The following CADM2 variants were observed in gnomAD, a reference collection of about 807,000 sequenced individuals.
The protein encoded by CADM2 is immunoglobulin superfamily member 4D.
In CADM2, 12 loss-of-function variants were observed where a neutral mutation model predicts 49.8. The observed-to-expected ratio is 0.24, with a 90% CI of 0.15 to 0.39. The LOEUF is 0.39. Ranked by LOEUF, CADM2 falls within the 10% of genes least tolerant of loss-of-function variation. CADM2 has a pLI of 1.00. For synonymous variants in CADM2, 214 were observed against 175.4 expected (o/e 1.22, Z -1.74); for missense variants, 378 against 492.3 (o/e 0.77, Z 2.20).
chr3:85,405,134 A>T (rs2035308636), intron 1 of CADM2, among the ~76,000 whole-genome samples: 1 of 152,070 alleles, frequency 6.6e-6, no homozygotes. Flanking sequence ...AAAGTTAGCT[A>T]TTTGGGGTAA....
At chr3:85,803,772 G>T (rs1186736768) in intron 3 of CADM2, among the ~76,000 whole-genome samples, 2 of 151,996 alleles carry the variant, frequency 1.3e-5, no homozygotes, top group East Asian at 3.9e-4. Context: ...AGAATAATCT[G>T]CTTTACTCAA....
intron 1 of CADM2, among the ~76,000 whole-genome samples, chr3:85,348,705 C>T (rs1183396896): frequency 6.6e-6 from 1 of 152,084 alleles, no homozygotes; most frequent in Non-Finnish European, 1.5e-5. Context: ...CTAACAAACT[C>T]ACTTATAATT....
At chr3:85,559,655 A>AACACACACAC (rs144677158) in intron 1 of CADM2, among the ~76,000 whole-genome samples, 2 of 111,006 alleles carry the variant, frequency 1.8e-5, no homozygotes, top group African/African-American at 2.9e-5. Flanking sequence ...ATTTAAAAGA[A>AACACACACAC]ACACACACAC....
intron 2 of CADM2, among the ~76,000 whole-genome samples, chr3:85,790,034 C>A (rs1046531903): frequency 1.3e-5 from 2 of 152,150 alleles, no homozygotes; most frequent in South Asian, 2.1e-4. Flanking sequence ...TTTCTAAGTG[C>A]TCTCTGAAGT....
intron 1 of CADM2, among the ~76,000 whole-genome samples, chr3:84,989,009 A>G (rs1004859601): frequency 6.6e-6 from 1 of 152,208 alleles, no homozygotes; most frequent in Admixed American, 6.5e-5. Context: ...GGCAAAGTAA[A>G]GACAGAACAG....
At chr3:85,587,268 A>G (rs936505896) in intron 1 of CADM2, among the ~76,000 whole-genome samples, 4 of 152,134 alleles carry the variant, frequency 2.6e-5, no homozygotes, top group African/African-American at 4.8e-5. Context: ...TATAAAAAAT[A>G]CAGTGACCCA....
Position 84,986,584 on chromosome 3 carries a change from C to T in CADM2, c.61+26916C>T, listed in dbSNP as rs112267726. On this transcript the variant is annotated intron_variant, in intron 1 of 9. Transcript: ENST00000383699. Reference sequence around the variant, plus strand: ...CACATGGACACAGGAAGGGGAACATCACACTCTGGGGACTGTTGTGGGGTG... The same window carrying T: ...CACATGGACACAGGAAGGGGAACATTACACTCTGGGGACTGTTGTGGGGTG... Among the ~76,000 whole-genome samples, 712 of 151,614 alleles carry T rather than the reference C, an allele frequency of 4.7e-3. 5 individuals carry two copies. The highest frequency in any genetic ancestry group is 0.017 in the African/African-American group (684 of 41,342).
intron 1 of CADM2, among the ~76,000 whole-genome samples, chr3:85,497,732 C>T (rs1010666709): frequency 3.6e-4 from 55 of 151,864 alleles, no homozygotes; most frequent in African/African-American, 1.3e-3. Context: ...TAAAGCGTAA[C>T]CAGGAGGAAG....
chr3:85,319,683 A>G (rs997343141), intron 1 of CADM2, among the ~76,000 whole-genome samples: 2 of 152,202 alleles, frequency 1.3e-5, no homozygotes, highest in Non-Finnish European at 2.9e-5. Flanking sequence ...TAGCAAACGT[A>G]TGCAGGAACA....
intron 7 of CADM2, among the ~76,000 whole-genome samples, chr3:85,945,924 G>A (rs968589966): frequency 2.6e-5 from 4 of 152,034 alleles, no homozygotes; most frequent in South Asian, 2.1e-4. Context: ...GGAAGTTCTG[G>A]CCAGGGCAAT....
At chr3:85,825,419 G>A (rs1410265427) in intron 3 of CADM2, among the ~76,000 whole-genome samples, 3 of 152,040 alleles carry the variant, frequency 2.0e-5, no homozygotes, top group South Asian at 2.1e-4. Flanking sequence ...GCCACTACCA[G>A]AGCCCAAATA....
At chr3:86,016,922 T>A (rs2106967482) in intron 8 of CADM2, among the ~76,000 whole-genome samples, 1 of 152,246 alleles carries the variant, frequency 6.6e-6, no homozygotes, top group Admixed American at 6.5e-5. Flanking sequence ...AAACTTTCAC[T>A]GATTTTTTTA....
intron 2 of CADM2, among the ~76,000 whole-genome samples, chr3:85,780,141 G>C (rs928805504): frequency 1.3e-5 from 2 of 152,094 alleles, no homozygotes; most frequent in Non-Finnish European, 2.9e-5. Context: ...TCTCATAATA[G>C]TTTTTATTTT....
chr3:85,031,627 G>C (rs1477779718), intron 1 of CADM2, among the ~76,000 whole-genome samples: 1 of 152,110 alleles, frequency 6.6e-6, no homozygotes, highest in Non-Finnish European at 1.5e-5. Flanking sequence ...CCACTCTCCT[G>C]CCTCAGCCTC....
At chr3:85,247,098 ACAT>A (rs1483866186) in intron 1 of CADM2, among the ~76,000 whole-genome samples, 2 of 152,080 alleles carry the variant, frequency 1.3e-5, no homozygotes, top group Non-Finnish European at 2.9e-5. Context: ...TTGGCATTTG[ACAT>A]CATACTAAAT....
intron 1 of CADM2, among the ~76,000 whole-genome samples, chr3:85,154,309 T>C (rs1211721340): frequency 1.3e-5 from 2 of 152,008 alleles, no homozygotes; most frequent in Admixed American, 6.6e-5. Flanking sequence ...CCTCAGGAGC[T>C]CATGCGATCA....
At chr3:85,230,135 G>C (rs946334553) in intron 1 of CADM2, among the ~76,000 whole-genome samples, 1 of 152,056 alleles carries the variant, frequency 6.6e-6, no homozygotes, top group African/African-American at 2.4e-5. Context: ...CTGATAAATG[G>C]CATATTTAAA....
At chr3:85,645,837 T>C (rs4513466) in intron 1 of CADM2, among the ~76,000 whole-genome samples, 79,481 of 151,728 alleles carry the variant, frequency 0.52, 21,815 homozygotes, top group East Asian at 0.62. Flanking sequence ...TATTTTGAAA[T>C]GTTGAACTCT....
chr3:85,714,920 A>G (rs1455382959), intron 1 of CADM2, among the ~76,000 whole-genome samples: 1 of 152,108 alleles, frequency 6.6e-6, no homozygotes, highest in Non-Finnish European at 1.5e-5. Context: ...AAATGTGCTT[A>G]CTAGGTGACA....
Sources: allele counts gnomAD v4.1 joint callset (sites outside exome capture counted in the v4.1 genomes callset), GRCh38; gene constraint gnomAD v4.1.1; transcripts MANE v1.5; gene names NCBI Gene and HGNC (gene_info 2026-07-23, HGNC 2026-07-21).